Variants in PCDHGB6 observed in about 807,000 individuals in gnomAD.
PCDHGB6 encodes the protein protocadherin gamma subfamily B, 6, also known as protocadherin gamma-B6.
In PCDHGB6, 51 loss-of-function variants were observed where a neutral mutation model predicts 59.1. That is an observed-to-expected ratio of 0.86 (90% CI 0.69 to 1.09). The LOEUF (loss-of-function observed/expected upper bound fraction) is 1.09, where lower values mean the gene tolerates loss of function less well. Among genes scored for constraint, PCDHGB6 ranks in the 50% least tolerant of loss-of-function variants. The pLI is 0.00. For synonymous variants in PCDHGB6, 466 were observed against 495.1 expected, an observed-to-expected ratio of 0.94 and a Z score of 0.78; for missense variants, 1,148 against 1,205.1, an observed-to-expected ratio of 0.95 and a Z score of 0.70.
Position 141,423,286 on chromosome 5 carries a change from ACCT to A in PCDHGB6, c.2418+12668_2418+12670del, listed in dbSNP as rs554024395. 8.7e-3 allele frequency: 13,966 copies of A among 1,613,746 alleles called. 98 individuals are homozygous for A. The highest frequency in any genetic ancestry group is 0.011 in the Middle Eastern group (68 of 6,062). ...CCTCGAGTCTCTGGCTAACTCTGAAACCTCAGACCTCTCGCTGTACTTGGTGGT... is the reference window on the plus strand; with the variant it reads ...CCTCGAGTCTCTGGCTAACTCTGAAACAGACCTCTCGCTGTACTTGGTGGT... On this transcript the variant is annotated intron_variant, in intron 1 of 3. Transcript: ENST00000520790.
Position 141,410,358 on chromosome 5 carries a change from T to C in PCDHGB6, c.2156T>C (p.Leu719Pro). The change falls in exon 1 of 4, where the codon CTC becomes CCC. Residue 719 changes from leucine (L) to proline (P), a missense_variant. Physicochemically the swap from Leu to Pro is moderately conservative, Grantham distance 98 (BLOSUM62 -3). Coordinates refer to ENST00000520790, the MANE Select transcript of PCDHGB6 (RefSeq NM_018926.3). ...ATTGCCTTGCGCCTGCGACGCTCTCTCAGCCCTGCTACTTGGGACTGCTTC... is the reference window on the plus strand; with the variant it reads ...ATTGCCTTGCGCCTGCGACGCTCTCCCAGCCCTGCTACTTGGGACTGCTTC... The part of the protein sequence containing the change: ...LAIALRLRRS[L>P]SPATWDCFHP... The C allele has an allele frequency of 1.2e-6, 2 of 1,614,070 alleles. No homozygotes were observed. The highest frequency in any genetic ancestry group is 8.5e-7 in the Non-Finnish European group (1 of 1,179,906).
intron 1 of PCDHGB6, among the ~76,000 whole-genome samples, chr5:141,465,130 AAG>A (rs1277023430): frequency 2.6e-5 from 4 of 151,968 alleles, no homozygotes; most frequent in Non-Finnish European, 5.9e-5. Flanking sequence ...AATTTGTAAA[AAG>A]TTTAGGGGAT....
At chr5:141,451,703 A>C (rs975120935) in intron 1 of PCDHGB6, among the ~76,000 whole-genome samples, 2 of 152,144 alleles carry the variant, frequency 1.3e-5, no homozygotes, top group Non-Finnish European at 2.9e-5. Context: ...GTAACATGAC[A>C]AAACCCTGCC....
chr5:141,438,613 TATATATATATATATATATATATAC>T (rs1240061633), intron 1 of PCDHGB6, among the ~76,000 whole-genome samples: 627 of 36,484 alleles, frequency 0.017, 21 homozygotes, highest in African/African-American at 0.051. Flanking sequence ...TATATATATA[TATATATATATATATATATATATAC>T]ACACACACAC....
chr5:141,429,528 A>T (rs1405050386), intron 1 of PCDHGB6, among the ~76,000 whole-genome samples: 1 of 152,166 alleles, frequency 6.6e-6, no homozygotes, highest in African/African-American at 2.4e-5. Context: ...AAAAAAGCTT[A>T]AAAAAATAAG....
Position 141,496,888 on chromosome 5 carries a change from TA to T in PCDHGB6, c.2477+2038del, listed in dbSNP as rs35063790. 4.6e-3 allele frequency among the ~76,000 whole-genome samples: 621 copies of T among 133,932 alleles called. 1 individual carries two copies. Among genetic ancestry groups the T allele is most frequent in the Middle Eastern group, 0.011 (3 of 270 alleles). 87.9% of individuals were successfully genotyped at this position (133,932 alleles called of 152,430 possible). ...CTGAAAATTTGCAACAAGTAACACT[TA>T]AAAAAAAAAAAAAAGGCTGGGCACT... On this transcript the variant is annotated intron_variant, in intron 2 of 3. Coordinates refer to ENST00000520790, the MANE Select transcript of PCDHGB6 (RefSeq NM_018926.3).
intron 1 of PCDHGB6, chr5:141,428,419 CTCTGT>C (rs2097138377): frequency 4.4e-6 from 2 of 451,802 alleles, no homozygotes; most frequent in African/African-American, 2.0e-5. Context: ...TCACCCTGGT[CTCTGT>C]TCTAAGACTA....
At chr5:141,505,780 G>A (rs1595982811) in intron 3 of PCDHGB6, among the ~76,000 whole-genome samples, 1 of 139,456 alleles carries the variant, frequency 7.2e-6, no homozygotes, top group Non-Finnish European at 1.6e-5. Flanking sequence ...TCCTAGCTCT[G>A]CTACTATCCT....
chr5:141,497,191 A>G (rs2099774633), intron 2 of PCDHGB6, among the ~76,000 whole-genome samples: 1 of 126,864 alleles, frequency 7.9e-6, no homozygotes, highest in Admixed American at 8.3e-5. Context: ...TGAGAGGCAG[A>G]GAACAATGTG....
intron 1 of PCDHGB6, among the ~76,000 whole-genome samples, chr5:141,457,517 TTAA>T (rs1261688593): frequency 6.6e-6 from 1 of 152,196 alleles, no homozygotes; most frequent in Non-Finnish European, 1.5e-5. Flanking sequence ...TTAAAAACAA[TTAA>T]TGAGACTAGG....
At chr5:141,419,265 C>T in intron 1 of PCDHGB6, 1 of 1,614,040 alleles carries the variant, frequency 6.2e-7, no homozygotes, top group Non-Finnish European at 8.5e-7. Flanking sequence ...CAGCCGGGTG[C>T]CTCCATAGCG....
In PCDHGB6 at chr5:141,493,755, A is replaced by C. The variant is rs1364524112; in HGVS notation, c.2419-1052A>C. Among the ~76,000 whole-genome samples, 1 of 152,148 alleles carries C rather than the reference A, an allele frequency of 6.6e-6. No homozygotes were observed. The highest frequency in any genetic ancestry group is 2.4e-5 in the African/African-American group (1 of 41,440). On this transcript the variant is annotated intron_variant, in intron 1 of 3. Coordinates refer to ENST00000520790, the MANE Select transcript of PCDHGB6 (RefSeq NM_018926.3). The surrounding 1 kb of genome is among the most constrained non-coding windows in gnomAD (Gnocchi z 4.3). ...ATATCACTGCCACCTGTGAGCCTTG[A>C]GTGAGCCACTGGCAGTTCCGGAGCT...
At chr5:141,459,806 A>G (rs2154566682) in intron 1 of PCDHGB6, among the ~76,000 whole-genome samples, 1 of 152,342 alleles carries the variant, frequency 6.6e-6, no homozygotes, top group African/African-American at 2.4e-5. Flanking sequence ...CCTGTTGACT[A>G]GAGACACTGA....
In PCDHGB6 at chr5:141,413,451, C is replaced by T. The variant is rs1561742650; in HGVS notation, c.2418+2831C>T. 6.2e-6 allele frequency: 10 copies of T among 1,614,118 alleles called. No homozygotes were observed. The South Asian group carries it at 1.1e-4, about 18-fold the overall frequency. ...GCAGCGGCAGCTTGATCACCGCGGGCAGGATAGACCGGGAGGAGCTCTGCG... is the reference window on the plus strand; with the variant it reads ...GCAGCGGCAGCTTGATCACCGCGGGTAGGATAGACCGGGAGGAGCTCTGCG... On this transcript the variant is annotated intron_variant, in intron 1 of 3. Transcript: ENST00000520790.
In PCDHGB6 at chr5:141,491,149, G is replaced by T; in HGVS notation, c.2419-3658G>T. 6.8e-6 allele frequency: 11 copies of T among 1,614,152 alleles called. No homozygotes were observed. The highest frequency in any genetic ancestry group is 9.3e-6 in the Non-Finnish European group (11 of 1,180,010). On this transcript the variant is annotated intron_variant, in intron 1 of 3. Transcript: ENST00000520790. This position sits in a 1 kb window ranked among gnomAD's most constrained non-coding sequence, Gnocchi z 6.9. ...GCGCACAGCCCGGGCCTTACTGGAGGATGACTCTGACACCCAGCAGGTGGT... is the reference window on the plus strand; with the variant it reads ...GCGCACAGCCCGGGCCTTACTGGAGTATGACTCTGACACCCAGCAGGTGGT...
intron 1 of PCDHGB6, chr5:141,427,440 G>C (rs747459662): frequency 4.2e-6 from 2 of 477,366 alleles, no homozygotes; most frequent in African/African-American, 2.0e-5. Flanking sequence ...CCTCATAAAC[G>C]AAAGAGTTCC....
chr5:141,409,456 C>T lies in PCDHGB6; in HGVS notation c.1254C>T (p.Tyr418=). Residue 418 remains tyrosine, a synonymous_variant, in exon 1 of 4, where the codon TAC becomes TAT. Coordinates refer to ENST00000520790, the MANE Select transcript of PCDHGB6 (RefSeq NM_018926.3). ...TGGACCGAGAGCAGACACCAGAATACAATGTCACCATCGTAGCCACTGACA... is the reference window on the plus strand; with the variant it reads ...TGGACCGAGAGCAGACACCAGAATATAATGTCACCATCGTAGCCACTGACA... The part of the protein sequence containing the change: ...GALDREQTPE[Y]NVTIVATDRG... 1.2e-6 allele frequency: 2 copies of T among 1,613,974 alleles called. No homozygotes were observed. Among genetic ancestry groups the T allele is most frequent in the Middle Eastern group, 3.3e-4 (2 of 6,062 alleles).
Position 141,480,177 on chromosome 5 carries a change from G to T in PCDHGB6, c.2419-14630G>T, listed in dbSNP as rs570721769. 4.6e-5 allele frequency among the ~76,000 whole-genome samples: 7 copies of T among 152,066 alleles called. No homozygotes were observed. In the South Asian group the frequency reaches 6.3e-4, roughly 14 times the overall value. ...CTAGCATTTTGGGAGGCTGAGGCAGGCGGATTGCTTGAGGCCAGCAGTTCA... is the reference window on the plus strand; with the variant it reads ...CTAGCATTTTGGGAGGCTGAGGCAGTCGGATTGCTTGAGGCCAGCAGTTCA... On this transcript the variant is annotated intron_variant, in intron 1 of 3. Coordinates refer to ENST00000520790, the MANE Select transcript of PCDHGB6 (RefSeq NM_018926.3).
At chr5:141,423,711 T>C (rs1479409204) in intron 1 of PCDHGB6, 1 of 1,330,004 alleles carries the variant, frequency 7.5e-7, no homozygotes, top group Non-Finnish European at 9.6e-7. Flanking sequence ...GCACAAGTCT[T>C]TTAAGGAGAT....
Sources: allele counts gnomAD v4.1 joint callset (sites outside exome capture counted in the v4.1 genomes callset), GRCh38; gene constraint gnomAD v4.1.1; non-coding constraint Gnocchi (gnomAD v3.1); transcripts MANE v1.5; gene names NCBI Gene and HGNC (gene_info 2026-07-23, HGNC 2026-07-21).